The following LMX1B variants were observed in gnomAD, a reference collection of about 807,000 sequenced individuals.
LMX1B encodes LIM homeobox transcription factor 1 beta, also known as LIM homeobox transcription factor 1-beta.
LMX1B carries 12 observed loss-of-function variants against 51.4 expected under a neutral mutation model. The observed-to-expected ratio is 0.23, with a 90% CI of 0.15 to 0.38. LMX1B has a LOEUF of 0.38. Ranked by LOEUF, LMX1B falls within the 10% of genes least tolerant of loss-of-function variation. The probability of loss-of-function intolerance (pLI) is 1.00; values close to 1 mark genes in which losing one functional copy is unlikely to be tolerated. For synonymous variants in LMX1B, 237 were observed against 235.4 expected, an observed-to-expected ratio of 1.01 and a Z score of -0.06; for missense variants, 445 against 571.1, an observed-to-expected ratio of 0.78 and a Z score of 2.25.
intron 2 of LMX1B, among the ~76,000 whole-genome samples, chr9:126,650,809 A>G (rs1447330393): frequency 2.0e-5 from 3 of 152,218 alleles, no homozygotes; most frequent in African/African-American, 7.2e-5. Context: ...CTCGGCAGGC[A>G]GGGAAACTGC....
At position 126,652,497 on chromosome 9, in the gene LMX1B, C is replaced by T. The variant is rs1403392239; in HGVS notation, c.326+36928C>T. Among the ~76,000 whole-genome samples, 6 of 152,236 alleles carry T rather than the reference C, an allele frequency of 3.9e-5. No homozygotes were observed. In the South Asian group the frequency reaches 6.2e-4, roughly 16 times the overall value. ...CAGGGTGTGTGTGTCCACACGGGAA[C>T]GTGGCTACCGCTAATGCTACGTGAA... On this transcript the variant is annotated intron_variant, in intron 2 of 7. Coordinates refer to ENST00000373474, the MANE Select transcript of LMX1B (RefSeq NM_001174147.2).
chr9:126,616,193 A>G (rs77655868), intron 2 of LMX1B, among the ~76,000 whole-genome samples: 7,509 of 152,292 alleles, frequency 0.049, 653 homozygotes, highest in East Asian at 0.41. Flanking sequence ...GAGGATCTCA[A>G]AAGGTGGCAA....
At chr9:126,651,508 AG>A (rs1432976035) in intron 2 of LMX1B, among the ~76,000 whole-genome samples, 1 of 152,058 alleles carries the variant, frequency 6.6e-6, no homozygotes, top group African/African-American at 2.4e-5. Flanking sequence ...AACAAAACGA[AG>A]GGCCTTGGAG....
At chr9:126,679,397 T>A in intron 2 of LMX1B, among the ~76,000 whole-genome samples, 1 of 150,624 alleles carries the variant, frequency 6.6e-6, no homozygotes, top group East Asian at 2.0e-4. Context: ...AGAGGGTGGA[T>A]GGAGGGGGGA....
Position 126,641,648 on chromosome 9 carries a change from C to G in LMX1B, c.326+26079C>G, listed in dbSNP as rs1038205845. Among the ~76,000 whole-genome samples, 1 of 152,186 alleles carries G rather than the reference C, an allele frequency of 6.6e-6. No homozygotes were observed. The highest frequency in any genetic ancestry group is 2.4e-5 in the African/African-American group (1 of 41,442). ...CAAGTTTCTGTCCTTGAGCCAGTCC[C>G]TCCGCTGGAACCCACCACGCTGCTT... is the stretch of plus-strand genomic sequence containing the variant. On this transcript the variant is annotated intron_variant, in intron 2 of 7. Transcript: ENST00000373474. This position sits in a 1 kb window ranked among gnomAD's most constrained non-coding sequence, Gnocchi z 4.1.
chr9:126,662,629 G>A (rs527352127), intron 2 of LMX1B, among the ~76,000 whole-genome samples: 4 of 152,374 alleles, frequency 2.6e-5, no homozygotes, highest in South Asian at 4.1e-4. Flanking sequence ...GGGCACAGGG[G>A]CCCAGAGAGG....
intron 6 of LMX1B, among the ~76,000 whole-genome samples, chr9:126,694,605 G>T (rs946597453): frequency 6.6e-6 from 1 of 152,208 alleles, no homozygotes; most frequent in African/African-American, 2.4e-5. Flanking sequence ...GCAGGCGGGG[G>T]ACAGAGCTGC....
At chr9:126,646,307 G>T (rs1835899049) in intron 2 of LMX1B, among the ~76,000 whole-genome samples, 1 of 151,708 alleles carries the variant, frequency 6.6e-6, no homozygotes, top group Non-Finnish European at 1.5e-5. Context: ...TACTCATCCA[G>T]CCACCTACCT....
In LMX1B at chr9:126,699,201, A is replaced by T. The variant is rs893495629; in HGVS notation, c.*2750A>T. 2.6e-5 allele frequency: 4 copies of T among 152,248 alleles called. No homozygotes were observed. Among genetic ancestry groups the T allele is most frequent in the Admixed American group, 2.0e-4 (3 of 15,278 alleles). The allele number at this position is 152,248 out of a possible 1,614,324, so 9.4% of individuals were successfully genotyped here. On this transcript the variant is annotated 3_prime_UTR_variant, in exon 8 of 8. Coordinates refer to ENST00000373474, the MANE Select transcript of LMX1B (RefSeq NM_001174147.2). ...TCATCTCATCTGCCCCTTATTTTAT[A>T]GTTGGAAACCCTGAGGCAAGAGAGG...
intron 2 of LMX1B, among the ~76,000 whole-genome samples, chr9:126,643,162 G>A (rs2118885378): frequency 6.6e-6 from 1 of 152,276 alleles, no homozygotes; most frequent in South Asian, 2.1e-4. Context: ...GGGGGCTAGG[G>A]GTGGAGGCTG....
chr9:126,674,014 C>T (rs1210155262), intron 2 of LMX1B, among the ~76,000 whole-genome samples: 1 of 152,080 alleles, frequency 6.6e-6, no homozygotes, highest in Non-Finnish European at 1.5e-5. Flanking sequence ...CCCCTCGTTG[C>T]CTGCACTGCT....
Position 126,626,126 on chromosome 9 carries a change from GTC to G in LMX1B, c.326+10561_326+10562del, listed in dbSNP as rs1210654886. Among the ~76,000 whole-genome samples, 1 of 152,234 alleles carries G rather than the reference GTC, an allele frequency of 6.6e-6. No individual in the cohort carries two copies. The highest frequency in any genetic ancestry group is 1.5e-5 in the Non-Finnish European group (1 of 68,044). ...CCGGAGGGGGACTTCGGAGGAATTT[GTC>G]TCTGATGTCCCGGCTCCCTGGCCTC... On this transcript the variant is annotated intron_variant, in intron 2 of 7. Coordinates refer to ENST00000373474, the MANE Select transcript of LMX1B (RefSeq NM_001174147.2). This position sits in a 1 kb window ranked among gnomAD's most constrained non-coding sequence, Gnocchi z 4.3.
Position 126,621,100 on chromosome 9 carries a change from A to G in LMX1B, c.326+5531A>G, listed in dbSNP as rs1005980759. The stretch of plus-strand genomic sequence containing the variant: ...TCCTGAGGCTCTGGAGTTTCTAAAA[A>G]ATAAAGAAAAGGAAGAGGAAAAAAA... On this transcript the variant is annotated intron_variant, in intron 2 of 7. Transcript: ENST00000373474. Among the ~76,000 whole-genome samples the G allele has an allele frequency of 7.9e-5, 12 of 152,282 alleles. No homozygotes were observed. The East Asian group carries it at 1.5e-3, about 20-fold the overall frequency.
intron 2 of LMX1B, among the ~76,000 whole-genome samples, chr9:126,674,342 C>T (rs1836516117): frequency 6.6e-6 from 1 of 152,142 alleles, no homozygotes; most frequent in Non-Finnish European, 1.5e-5. Context: ...CAGGGCTGCT[C>T]TTCTTCAGGA....
intron 2 of LMX1B, among the ~76,000 whole-genome samples, chr9:126,664,217 G>A (rs1225410039): frequency 6.6e-6 from 1 of 152,226 alleles, no homozygotes; most frequent in Non-Finnish European, 1.5e-5. Flanking sequence ...GGGGAGCCGC[G>A]CCATACTCCC....
At chr9:126,669,178 G>T (rs1836401467) in intron 2 of LMX1B, among the ~76,000 whole-genome samples, 2 of 152,204 alleles carry the variant, frequency 1.3e-5, no homozygotes, top group South Asian at 4.1e-4. Flanking sequence ...ATTCCATGCG[G>T]CGAGGGTGCA....
chr9:126,698,655 G>A lies in LMX1B; in HGVS notation c.*2204G>A, dbSNP rs1284962095. The A allele has an allele frequency of 6.6e-6, 1 of 152,384 alleles. No homozygotes were observed. Among genetic ancestry groups the A allele is most frequent in the African/African-American group, 2.4e-5 (1 of 41,438 alleles). 9.4% of individuals were successfully genotyped at this position (152,384 alleles called of 1,614,324 possible). A position where few individuals can be genotyped will look rare whatever the true frequency, so the allele number is the denominator to read the frequency against. The stretch of plus-strand genomic sequence containing the variant: ...ACCCTACCTTTAACTCTGAGGTCAA[G>A]CCCTAGGCCACCACCCTAAAGTCTG... On this transcript the variant is annotated 3_prime_UTR_variant, in exon 8 of 8. Coordinates refer to ENST00000373474, the MANE Select transcript of LMX1B (RefSeq NM_001174147.2).
chr9:126,651,298 G>A (rs112409449), intron 2 of LMX1B, among the ~76,000 whole-genome samples: 2 of 140,424 alleles, frequency 1.4e-5, no homozygotes, highest in African/African-American at 5.5e-5. Flanking sequence ...AGGAGGGACT[G>A]GGGGGGGTGG....
rs533245938 is a variant in LMX1B at position 126,617,423 on chromosome 9, G to T, written c.326+1854G>T. ...AAAAAACTTGTTAATATATTGAAAA[G>T]ACTTATGAATCGCGTGTACATATTC... On this transcript the variant is annotated intron_variant, in intron 2 of 7. Coordinates refer to ENST00000373474, the MANE Select transcript of LMX1B (RefSeq NM_001174147.2). Among the ~76,000 whole-genome samples the T allele has an allele frequency of 7.9e-5, 12 of 151,636 alleles. No individual in the cohort carries two copies. The South Asian group carries it at 2.1e-3, about 26-fold the overall frequency.
Sources: gnomAD v4.1 joint callset for allele counts (sites outside exome capture counted in the v4.1 genomes callset) on GRCh38, gnomAD v4.1.1 for gene constraint, Gnocchi (gnomAD v3.1) non-coding constraint, MANE v1.5 for transcripts, NCBI Gene and HGNC (gene_info 2026-07-23, HGNC 2026-07-21) for gene names.